Variants in ZNF486 observed in about 807,000 individuals in gnomAD.
ZNF486 encodes zinc finger protein 486.
A neutral mutation model predicts 12.8 loss-of-function variants in ZNF486; 12 were observed. The observed-to-expected ratio is 0.94, with a 90% CI of 0.60 to 1.52. ZNF486 has a LOEUF of 1.52. ZNF486 is among the 40% of genes most tolerant of loss of function. The pLI, the probability that ZNF486 is intolerant of heterozygous loss-of-function variation, is 0.00. For missense variants in ZNF486, 738 were observed against 545.0 expected (o/e 1.35, Z -3.53); for synonymous variants, 231 against 184.9 (o/e 1.25, Z -2.02).
At chr19:20,180,158 G>A (rs1555715351) in intron 1 of ZNF486, among the ~76,000 whole-genome samples, 1 of 152,328 alleles carries the variant, frequency 6.6e-6, no homozygotes, top group Middle Eastern at 3.4e-3. Context: ...GCAGAATTGT[G>A]TTAGGCTGAC....
At chr19:20,184,175 CT>C (rs557941667) in intron 1 of ZNF486, among the ~76,000 whole-genome samples, 180 bp from the exon 2 acceptor site, 1 of 151,718 alleles carries the variant, frequency 6.6e-6, no homozygotes, top group Non-Finnish European at 1.5e-5. Context: ...TTAGGCTGCT[CT>C]TTTTTTTCAG....
intron 1 of ZNF486, among the ~76,000 whole-genome samples, chr19:20,179,542 CTT>C (rs1217117177): frequency 6.6e-6 from 1 of 152,032 alleles, no homozygotes; most frequent in Non-Finnish European, 1.5e-5. Flanking sequence ...TGAGAGCTCT[CTT>C]TTGACTGTAC....
rs781910724 is a variant in ZNF486, at chr19:20,184,433, T to C, written c.108T>C (p.Asn36=). The C allele has an allele frequency of 5.6e-6, 9 of 1,613,550 alleles. No homozygotes were observed. The highest frequency in any genetic ancestry group is 7.6e-6 in the Non-Finnish European group (9 of 1,179,710). ...ATTGCCTGGACACTGCACAGCAGAA[T>C]TTATATAGGGATGTGATGTTAGAGA... ...EWHCLDTAQQ[N]LYRDVMLENY... is the part of the protein sequence containing the mutation. The change falls in exon 2 of 4, where the codon AAT becomes AAC. Residue 36 remains asparagine, a synonymous_variant. Transcript: ENST00000335117.
At chr19:20,195,220 G>A (rs1344698279) in intron 3 of ZNF486, among the ~76,000 whole-genome samples, 1 of 152,174 alleles carries the variant, frequency 6.6e-6, no homozygotes, top group Non-Finnish European at 1.5e-5. Context: ...CCAGGCCGCA[G>A]TACAGTGGTA....
rs952457076 is a variant in ZNF486, at chr19:20,167,480, C to A, written c.30+120C>A. Reference sequence around the variant, plus strand: ...CAATCTGCGTCCGGACTTCTCCTTACCCAGCTCGGCCTCAGTCCCCTTCAG... The same window carrying A: ...CAATCTGCGTCCGGACTTCTCCTTAACCAGCTCGGCCTCAGTCCCCTTCAG... On this transcript the variant is annotated intron_variant, in intron 1 of 3. Coordinates refer to ENST00000335117, the MANE Select transcript of ZNF486 (RefSeq NM_052852.4). The A allele has an allele frequency of 6.5e-5, 77 of 1,185,552 alleles. 2 individuals carry two copies. The highest frequency in any genetic ancestry group is 7.1e-5 in the Non-Finnish European group (59 of 832,186). 73.4% of individuals were successfully genotyped at this position (1,185,552 alleles called of 1,614,324 possible). A position where few individuals can be genotyped will look rare whatever the true frequency, so the allele number is the denominator to read the frequency against.
At chr19:20,187,494 C>CTTCAAGT (rs1461914550) in intron 3 of ZNF486, among the ~76,000 whole-genome samples, 1 of 146,678 alleles carries the variant, frequency 6.8e-6, no homozygotes, top group Non-Finnish European at 1.5e-5. Context: ...GCAAACACCT[C>CTTCAAGT]TTCAAGTTTT....
At chr19:20,193,934 T>C (rs1555717555) in intron 3 of ZNF486, among the ~76,000 whole-genome samples, 1 of 152,172 alleles carries the variant, frequency 6.6e-6, no homozygotes, top group Non-Finnish European at 1.5e-5. Context: ...ACAATATATT[T>C]GAATGTGGTA....
intron 3 of ZNF486, among the ~76,000 whole-genome samples, chr19:20,192,059 C>G (rs1272271239): frequency 6.6e-6 from 1 of 152,082 alleles, no homozygotes; most frequent in Non-Finnish European, 1.5e-5. Context: ...TAAATTAACT[C>G]ACTTTACCAT....
intron 1 of ZNF486, among the ~76,000 whole-genome samples, chr19:20,183,293 G>T (rs2089806215): frequency 1.3e-5 from 2 of 152,150 alleles, no homozygotes; most frequent in Admixed American, 1.3e-4. Context: ...GTAATGTTGA[G>T]GCTTCATCTG....
At chr19:20,182,397 A>G (rs2122652353) in intron 1 of ZNF486, among the ~76,000 whole-genome samples, 1 of 152,334 alleles carries the variant, frequency 6.6e-6, no homozygotes, top group South Asian at 2.1e-4. Context: ...CACATGGCCA[A>G]TTTGCAGAAA....
At chr19:20,182,592 GT>G (rs1315435252) in intron 1 of ZNF486, among the ~76,000 whole-genome samples, 1 of 152,174 alleles carries the variant, frequency 6.6e-6, no homozygotes, top group Non-Finnish European at 1.5e-5. Flanking sequence ...TTCTGTTTGG[GT>G]TTGGTACAGA....
intron 1 of ZNF486, among the ~76,000 whole-genome samples, chr19:20,181,243 T>G (rs1021570922): frequency 3.3e-5 from 5 of 151,040 alleles, no homozygotes; most frequent in Non-Finnish European, 5.9e-5. Flanking sequence ...CAAAAGCAGA[T>G]GAAAGGGAAA....
At chr19:20,177,666 C>G (rs1555715005) in intron 1 of ZNF486, among the ~76,000 whole-genome samples, 1 of 152,166 alleles carries the variant, frequency 6.6e-6, no homozygotes, top group African/African-American at 2.4e-5. Flanking sequence ...ACCCCGCCTC[C>G]CAGGTTCAAG....
intron 1 of ZNF486, among the ~76,000 whole-genome samples, chr19:20,167,777 T>A (rs1311633837): frequency 1.3e-5 from 2 of 152,062 alleles, no homozygotes; most frequent in Non-Finnish European, 2.9e-5. Flanking sequence ...GCGCGGTGGT[T>A]GACGTCTGTA....
At chr19:20,177,932 G>T (rs979937405) in intron 1 of ZNF486, among the ~76,000 whole-genome samples, 8 of 137,168 alleles carry the variant, frequency 5.8e-5, no homozygotes, top group African/African-American at 2.5e-4. Flanking sequence ...GTAAACATTT[G>T]TTCTTTTTTT....
intron 3 of ZNF486, among the ~76,000 whole-genome samples, chr19:20,186,542 T>C (rs2089848850): frequency 6.6e-6 from 1 of 152,190 alleles, no homozygotes; most frequent in African/African-American, 2.4e-5. Flanking sequence ...TTTATTACTA[T>C]ATAGTCTTGA....
At position 20,197,915 on chromosome 19, in the gene ZNF486, G is replaced by C. The variant is rs782213996; in HGVS notation, c.1205G>C (p.Gly402Ala). The C allele has an allele frequency of 1.9e-5, 30 of 1,613,312 alleles. 1 individual carries two copies. Among genetic ancestry groups the C allele is most frequent in the Non-Finnish European group, 1.4e-5 (16 of 1,179,778 alleles). Residue 402 changes from glycine (G) to alanine (A), a missense_variant, in exon 4 of 4, where the codon GGA (glycine) becomes GCA (alanine). Coordinates refer to ENST00000335117, the MANE Select transcript of ZNF486 (RefSeq NM_052852.4). Reference protein sequence around the residue: ...GLHKHRRTHTGEKPYKCEECG... With the variant: ...GLHKHRRTHTAEKPYKCEECG... ...CATAAACATAGGAGAACTCATACTG[G>C]AGAGAAACCCTACAAATGTGAAGAA...
chr19:20,167,295 C>T lies in ZNF486; in HGVS notation c.-36C>T. The T allele has an allele frequency of 6.2e-7, 1 of 1,614,014 alleles. No individual in the cohort carries two copies. The highest frequency in any genetic ancestry group is 8.5e-7 in the Non-Finnish European group (1 of 1,179,888). Reference sequence around the variant, plus strand: ...TCCTAGAGGCCCACCCTCTGTGGCCCTGTGTCCTGTAGGTATTGGGAGATC... The same window carrying T: ...TCCTAGAGGCCCACCCTCTGTGGCCTTGTGTCCTGTAGGTATTGGGAGATC... On this transcript the variant is annotated 5_prime_UTR_variant, in exon 1 of 4. Transcript: ENST00000335117.
At chr19:20,176,785 G>T (rs1293835569) in intron 1 of ZNF486, 8 of 152,988 alleles carry the variant, frequency 5.2e-5, no homozygotes, top group African/African-American at 1.9e-4. Flanking sequence ...GTACAGTCCA[G>T]CTTCGGCTCG....
Sources: gnomAD v4.1 joint callset for allele counts (sites outside exome capture counted in the v4.1 genomes callset) on GRCh38, gnomAD v4.1.1 for gene constraint, MANE v1.5 for transcripts, NCBI Gene and HGNC (gene_info 2026-07-23, HGNC 2026-07-21) for gene names.